UTP20: variants seen among roughly 807,000 people sequenced by gnomAD.
The protein encoded by UTP20 is UTP20 small subunit processome component, also known as small subunit processome component 20 homolog.
Under a neutral mutation model 329.5 loss-of-function variants are expected in UTP20, and 164 were observed. The ratio of observed to expected loss-of-function variants is 0.50; its 90% CI spans 0.44 to 0.57. The LOEUF is 0.57. Among genes scored for constraint, UTP20 ranks in the 20% least tolerant of loss-of-function variants. The pLI is 0.00. For missense variants in UTP20, 3,055 were observed against 3,284.2 expected (o/e 0.93, Z 1.71); for synonymous variants, 1,151 against 1,159.3 (o/e 0.99, Z 0.14).
chr12:101,376,815 A>G (rs1446220707), intron 56 of UTP20, among the ~76,000 whole-genome samples: 1 of 151,806 alleles, frequency 6.6e-6, no homozygotes, highest in African/African-American at 2.4e-5. Context: ...ACACCAGCTA[A>G]TTTTTGTATT....
At chr12:101,383,745 CCTTT>C (rs1870734466) in intron 60 of UTP20, 76 bp downstream of exon 60, 2 of 1,245,232 alleles carry the variant, frequency 1.6e-6, no homozygotes, top group Non-Finnish European at 2.1e-6. Flanking sequence ...TTTCCTTCTT[CCTTT>C]CTGTCCTCCC....
Position 101,353,055 on chromosome 12 carries a change from T to TA in UTP20, c.5035dup (p.Ile1679AsnfsTer9). 6.4e-7 allele frequency: 1 copy of TA among 1,564,442 alleles called. No individual in the cohort carries two copies. The highest frequency in any genetic ancestry group is 8.7e-7 in the Non-Finnish European group (1 of 1,149,794). ...ACTTTTTTTTTTAACAGTTTGCTAGTAATAGTGTTAGAAGCATTCCACTTT... is the reference window on the plus strand; with the variant it reads ...ACTTTTTTTTTTAACAGTTTGCTAGTAAATAGTGTTAGAAGCATTCCACTTT... On this transcript the variant is annotated frameshift_variant, in exon 40 of 62. Coordinates refer to ENST00000261637, the MANE Select transcript of UTP20 (RefSeq NM_014503.3). LOFTEE classifies it high-confidence loss of function.
At chr12:101,280,912 A>G (rs17031222) in intron 1 of UTP20, among the ~76,000 whole-genome samples, 3,406 of 152,308 alleles carry the variant, frequency 0.022, 141 homozygotes, top group African/African-American at 0.076. Flanking sequence ...GAAATGACAT[A>G]GCTGAGAGAA....
chr12:101,316,775 A>G (rs1872985463), intron 21 of UTP20, among the ~76,000 whole-genome samples: 1 of 151,342 alleles, frequency 6.6e-6, no homozygotes, highest in South Asian at 2.1e-4. Context: ...AAAGTGACAT[A>G]AACTAATGCA....
rs755974596 is a variant in UTP20 at position 101,338,014 on chromosome 12, G to A, written c.3642-37G>A. The A allele has an allele frequency of 3.8e-6, 6 of 1,584,568 alleles. No individual in the cohort carries two copies. The African/African-American group carries it at 8.1e-5, about 21-fold the overall frequency. On this transcript the variant is annotated intron_variant, in intron 29 of 61. Transcript: ENST00000261637. ...ACATGTTTTTAGAAGTGAACATATT[G>A]AGAATAAGATGATTACTACAATGTT...
rs1872587181 is a variant in UTP20, at chr12:101,303,814, T to A, written c.1781+1261T>A. Among the ~76,000 whole-genome samples the A allele has an allele frequency of 1.3e-5, 2 of 152,208 alleles. 1 individual carries two copies. The highest frequency in any genetic ancestry group is 2.9e-5 in the Non-Finnish European group (2 of 68,040). Reference sequence around the variant, plus strand: ...AGGGGAATACTATAATAATCTGGAATCTCTTTGCCTTTCCAAATCTGGGTG... The same window carrying A: ...AGGGGAATACTATAATAATCTGGAAACTCTTTGCCTTTCCAAATCTGGGTG... On this transcript the variant is annotated intron_variant, in intron 15 of 61. Transcript: ENST00000261637.
chr12:101,299,875 A>G, intron 13 of UTP20, 38 bp downstream of exon 13: 3 of 1,604,032 alleles, frequency 1.9e-6, no homozygotes, highest in Non-Finnish European at 2.6e-6. Flanking sequence ...GAAAGAGATA[A>G]CATGCTGATT....
intron 35 of UTP20, among the ~76,000 whole-genome samples, chr12:101,344,291 G>T (rs1869247628): frequency 1.3e-5 from 2 of 152,180 alleles, no homozygotes; most frequent in South Asian, 4.1e-4. Context: ...TTGAAAACTG[G>T]CTTTAGTGAA....
intron 2 of UTP20, among the ~76,000 whole-genome samples, chr12:101,283,210 GC>G (rs1394558191): frequency 1.3e-5 from 2 of 152,166 alleles, no homozygotes; most frequent in East Asian, 3.8e-4. Context: ...TGTTAAGAAG[GC>G]AGAGAAGACA....
Position 101,300,641 on chromosome 12 carries a change from C to A in UTP20, c.1675+580C>A, listed in dbSNP as rs183475194. Among the ~76,000 whole-genome samples the A allele has an allele frequency of 1.7e-3, 261 of 152,264 alleles. 2 individuals carry two copies. The highest frequency in any genetic ancestry group is 6.1e-3 in the African/African-American group (253 of 41,554). On this transcript the variant is annotated intron_variant, in intron 14 of 61. Transcript: ENST00000261637. ...CTATTAGATATTTATATGTCTCCCC[C>A]ACTAGTCTGCAAACGGCAATTCAAA...
intron 18 of UTP20, 120 bp from the exon 19 acceptor site, chr12:101,309,643 T>C: frequency 1.1e-6 from 1 of 892,554 alleles, no homozygotes. Context: ...ACTTTTTTTC[T>C]TATCGCACAG....
intron 22 of UTP20, among the ~76,000 whole-genome samples, chr12:101,318,129 T>C (rs1456855862): frequency 1.3e-5 from 2 of 152,220 alleles, no homozygotes; most frequent in East Asian, 3.8e-4. Context: ...CCTTTTAACT[T>C]GCCTTCTACT....
intron 56 of UTP20, among the ~76,000 whole-genome samples, chr12:101,376,872 T>C (rs916162545): frequency 1.1e-4 from 17 of 152,246 alleles, no homozygotes; most frequent in African/African-American, 4.1e-4. Flanking sequence ...GGTCTTGAAC[T>C]CCTGACCTCA....
chr12:101,316,855 A>G (rs1421974658), intron 21 of UTP20, among the ~76,000 whole-genome samples: 2 of 152,250 alleles, frequency 1.3e-5, no homozygotes, highest in Non-Finnish European at 2.9e-5. Context: ...ATGAAATTTA[A>G]TAAGAACAAA....
At chr12:101,282,252 A>T (rs1052900882) in intron 2 of UTP20, among the ~76,000 whole-genome samples, 2 of 151,832 alleles carry the variant, frequency 1.3e-5, no homozygotes, top group East Asian at 3.9e-4. Flanking sequence ...AGGGAACCTA[A>T]CCTACATTCT....
rs71091488 is a variant in UTP20 at position 101,340,937 on chromosome 12, C to CTT, written c.4101+381_4101+382dup. 6.0e-5 allele frequency among the ~76,000 whole-genome samples: 5 copies of CTT among 83,018 alleles called. 1 individual carries two copies. Among genetic ancestry groups the CTT allele is most frequent in the Admixed American group, 1.5e-4 (1 of 6,586 alleles). The allele number at this position is 83,018 out of a possible 152,430, so 54.5% of individuals were successfully genotyped here. A position where few individuals can be genotyped will look rare whatever the true frequency, so the allele number is the denominator to read the frequency against. ...GAACCCAAGAAGTGCATTGTGTAAT[C>CTT]TTTTTTTTTTTTTTTTTTTTTTTTT... On this transcript the variant is annotated intron_variant, in intron 32 of 61. Transcript: ENST00000261637.
Position 101,285,840 on chromosome 12 carries a change from C to A in UTP20, c.285C>A (p.His95Gln), listed in dbSNP as rs756081314. The A allele has an allele frequency of 6.2e-7, 1 of 1,613,710 alleles. No individual in the cohort carries two copies. The highest frequency in any genetic ancestry group is 2.2e-5 in the East Asian group (1 of 44,838). Residue 95 changes from histidine (H) to glutamine (Q), a missense_variant, in exon 4 of 62, where the codon CAC (histidine) becomes CAA (glutamine). His to Gln is a conservative substitution (Grantham distance 24). Around this residue, in one of 3 missense-constraint regions of UTP20, gnomAD observed 2,445 missense variants for 2,575.5 expected, o/e 0.95. Transcript: ENST00000261637. Reference protein sequence around the residue: ...QNEIVQSLKTHLQVKNSFAYQ... With the variant: ...QNEIVQSLKTQLQVKNSFAYQ... ...AGATAGTTCAGAGTTTGAAGACTCA[C>A]CTGCAAGTTAAGAACAGTTTTGCCT...
chr12:101,290,707 A>C, intron 7 of UTP20, 26 bp from the exon 8 acceptor site: 1 of 1,584,778 alleles, frequency 6.3e-7, no homozygotes, highest in Non-Finnish European at 8.5e-7. Context: ...TTTATATATT[A>C]ATGTTAATGA....
chr12:101,290,309 G>C (rs1245687352), intron 7 of UTP20, 35 bp downstream of exon 7: 1 of 1,552,118 alleles, frequency 6.4e-7, no homozygotes, highest in African/African-American at 1.4e-5. Flanking sequence ...GAGTCTATGT[G>C]GATGGATGAA....
Sources: gnomAD v4.1 joint callset for allele counts (sites outside exome capture counted in the v4.1 genomes callset) on GRCh38, gnomAD v4.1.1 for gene constraint, gnomAD v4.1.1 regional missense constraint, MANE v1.5 for transcripts, NCBI Gene and HGNC (gene_info 2026-07-23, HGNC 2026-07-21) for gene names.